The following PDZRN4 variants were observed in gnomAD, a reference collection of about 807,000 sequenced individuals.
PDZRN4 encodes the protein PDZ domain-containing RING finger protein 4.
Under a neutral mutation model 99.0 loss-of-function variants are expected in PDZRN4, and 70 were observed. That is an observed-to-expected ratio of 0.71 (90% CI 0.58 to 0.86). The LOEUF (loss-of-function observed/expected upper bound fraction) is 0.86. PDZRN4 is among the 40% of genes least tolerant of loss of function. PDZRN4 has a pLI of 0.00. For synonymous variants in PDZRN4, 551 were observed against 501.6 expected (o/e 1.10, Z -1.32); for missense variants, 1,474 against 1,331.2 (o/e 1.11, Z -1.67).
At chr12:41,225,815 T>C (rs755736160) in intron 3 of PDZRN4, among the ~76,000 whole-genome samples, 3 of 152,170 alleles carry the variant, frequency 2.0e-5, no homozygotes, top group Non-Finnish European at 4.4e-5. Flanking sequence ...TTATAACAGC[T>C]ATAAGGTGTT....
intron 3 of PDZRN4, among the ~76,000 whole-genome samples, chr12:41,489,290 G>A (rs763185556): frequency 2.6e-5 from 4 of 152,080 alleles, no homozygotes; most frequent in South Asian, 2.1e-4. Context: ...ACATCTAGTG[G>A]GTAAAGGCCA....
At chr12:41,545,053 C>T (rs757039639) in intron 5 of PDZRN4, among the ~76,000 whole-genome samples, 3 of 152,226 alleles carry the variant, frequency 2.0e-5, no homozygotes, top group South Asian at 2.1e-4. Flanking sequence ...TGGTAACATT[C>T]GCTTAATCCC....
At chr12:41,506,282 G>A (rs1478030980) in intron 3 of PDZRN4, among the ~76,000 whole-genome samples, 174 bp from the exon 4 acceptor site, 2 of 151,708 alleles carry the variant, frequency 1.3e-5, no homozygotes, top group East Asian at 1.9e-4. Flanking sequence ...TGTAATCTCA[G>A]GTACTTCATC....
At chr12:41,469,265 G>T (rs1952962657) in intron 3 of PDZRN4, among the ~76,000 whole-genome samples, 2 of 152,146 alleles carry the variant, frequency 1.3e-5, no homozygotes, top group Non-Finnish European at 2.9e-5. Flanking sequence ...AAATGATTGA[G>T]AAGTTGTAAA....
intron 3 of PDZRN4, among the ~76,000 whole-genome samples, chr12:41,458,146 A>G (rs1426865280): frequency 2.6e-5 from 4 of 152,108 alleles, no homozygotes; most frequent in Non-Finnish European, 5.9e-5. Context: ...TAGTCTGAGG[A>G]GAGTGACTTT....
chr12:41,471,779 G>A (rs919861730), intron 3 of PDZRN4, among the ~76,000 whole-genome samples: 11 of 151,188 alleles, frequency 7.3e-5, no homozygotes, highest in African/African-American at 2.7e-4. Flanking sequence ...AATATGCTGA[G>A]AATAATGCTC....
intron 3 of PDZRN4, among the ~76,000 whole-genome samples, chr12:41,430,277 G>A (rs1952576804): frequency 6.6e-6 from 1 of 152,102 alleles, no homozygotes; most frequent in South Asian, 2.1e-4. Context: ...AGACCATCCT[G>A]GCCAACATGG....
At chr12:41,389,302 G>T (rs1456459188) in intron 3 of PDZRN4, among the ~76,000 whole-genome samples, 1 of 152,074 alleles carries the variant, frequency 6.6e-6, no homozygotes, top group African/African-American at 2.4e-5. Flanking sequence ...TATTTAAAAT[G>T]CTAAAAACAC....
intron 3 of PDZRN4, among the ~76,000 whole-genome samples, chr12:41,211,764 A>G (rs1950890041): frequency 6.6e-6 from 1 of 152,000 alleles, no homozygotes; most frequent in Non-Finnish European, 1.5e-5. Context: ...AGGCAAAATA[A>G]AAGCCACTTA....
chr12:41,296,631 T>C (rs779488071), intron 3 of PDZRN4, among the ~76,000 whole-genome samples: 1 of 152,144 alleles, frequency 6.6e-6, no homozygotes, highest in Non-Finnish European at 1.5e-5. Flanking sequence ...AGTCATGATT[T>C]GGCTCCTCTT....
chr12:41,298,332 T>C (rs1362808065), intron 3 of PDZRN4, among the ~76,000 whole-genome samples: 1 of 152,190 alleles, frequency 6.6e-6, no homozygotes, highest in Non-Finnish European at 1.5e-5. Context: ...ATGTTATACA[T>C]TCTTTCCCTG....
intron 3 of PDZRN4, among the ~76,000 whole-genome samples, chr12:41,415,208 C>T (rs547363270): frequency 5.0e-4 from 76 of 151,458 alleles, no homozygotes; most frequent in East Asian, 2.9e-3. Flanking sequence ...TTGTGCTGTT[C>T]GGTTAAGAGA....
chr12:41,344,449 T>C (rs1951838384), intron 3 of PDZRN4, among the ~76,000 whole-genome samples: 1 of 151,942 alleles, frequency 6.6e-6, no homozygotes, highest in Non-Finnish European at 1.5e-5. Context: ...TTTTAGAAAA[T>C]CATTAAATGT....
At chr12:41,401,149 T>C (rs916311548) in intron 3 of PDZRN4, among the ~76,000 whole-genome samples, 5 of 152,202 alleles carry the variant, frequency 3.3e-5, no homozygotes, top group African/African-American at 4.8e-5. Flanking sequence ...TTTTGCCTAA[T>C]AATTTATTCC....
intron 3 of PDZRN4, among the ~76,000 whole-genome samples, chr12:41,289,064 G>A (rs931349138): frequency 2.0e-5 from 3 of 151,674 alleles, no homozygotes; most frequent in African/African-American, 7.3e-5. Context: ...AGGTGAGATG[G>A]ATATTTCATT....
At chr12:41,234,529 C>G (rs1255447021) in intron 3 of PDZRN4, among the ~76,000 whole-genome samples, 1 of 152,058 alleles carries the variant, frequency 6.6e-6, no homozygotes, top group Non-Finnish European at 1.5e-5. Flanking sequence ...ATAGAGATAT[C>G]TAACTAGAAA....
At chr12:41,558,425 C>T (rs1733256812) in intron 7 of PDZRN4, among the ~76,000 whole-genome samples, 1 of 152,200 alleles carries the variant, frequency 6.6e-6, no homozygotes, top group African/African-American at 2.4e-5. Flanking sequence ...ATACCTCCTA[C>T]TGTACCTGGC....
chr12:41,194,241 T>G, intron 3 of PDZRN4, 53 bp downstream of exon 3: 1 of 876,264 alleles, frequency 1.1e-6, no homozygotes, highest in Non-Finnish European at 1.9e-6. Context: ...ATTGGGATAT[T>G]TTAAGTTTTC....
At chr12:41,425,767 G>A (rs986647403) in intron 3 of PDZRN4, among the ~76,000 whole-genome samples, 8 of 152,074 alleles carry the variant, frequency 5.3e-5, no homozygotes, top group East Asian at 3.9e-4. Flanking sequence ...TAGCAATTGC[G>A]GATTTTTAAT....
Sources: gnomAD v4.1 joint callset for allele counts (sites outside exome capture counted in the v4.1 genomes callset) on GRCh38, gnomAD v4.1.1 for gene constraint, MANE v1.5 for transcripts, NCBI Gene and HGNC (gene_info 2026-07-23, HGNC 2026-07-21) for gene names.